The following LRGUK variants were observed in gnomAD, a reference collection of about 807,000 sequenced individuals.
LRGUK encodes the protein leucine rich repeats and guanylate kinase domain containing.
In LRGUK, 65 loss-of-function variants were observed where a neutral mutation model predicts 76.0. The observed-to-expected ratio is 0.85, with a 90% confidence interval of 0.70 to 1.05. LRGUK has a LOEUF of 1.05. LRGUK is among the 50% of genes least tolerant of loss of function. The pLI, the probability that LRGUK is intolerant of heterozygous loss-of-function variation, is 0.00. For missense variants in LRGUK, 758 were observed against 732.8 expected, an observed-to-expected ratio of 1.03 and a Z score of -0.40; for synonymous variants, 268 against 265.6, an observed-to-expected ratio of 1.01 and a Z score of -0.09.
At chr7:134,154,977 C>G (rs1798394481) in intron 5 of LRGUK, among the ~76,000 whole-genome samples, 1 of 152,204 alleles carries the variant, frequency 6.6e-6, no homozygotes, top group Non-Finnish European at 1.5e-5. Context: ...TTGCCTGCTT[C>G]CCATGAGAAT....
At chr7:134,168,385 A>G (rs187924372) in intron 7 of LRGUK, among the ~76,000 whole-genome samples, 77 of 152,250 alleles carry the variant, frequency 5.1e-4, no homozygotes, top group Non-Finnish European at 9.9e-4. Context: ...AACAAAGAAT[A>G]TTTGTTGACT....
At chr7:134,203,151 C>A (rs1458269661) in intron 15 of LRGUK, among the ~76,000 whole-genome samples, 1 of 151,676 alleles carries the variant, frequency 6.6e-6, no homozygotes, top group Non-Finnish European at 1.5e-5. Context: ...TGCAGCAAGC[C>A]AAGATTGCAC....
intron 16 of LRGUK, among the ~76,000 whole-genome samples, chr7:134,236,460 C>G (rs566578176): frequency 1.3e-5 from 2 of 152,186 alleles, no homozygotes; most frequent in Admixed American, 1.3e-4. Flanking sequence ...TCTGTTTAGA[C>G]TGTAGCATCT....
intron 16 of LRGUK, among the ~76,000 whole-genome samples, chr7:134,242,003 C>T (rs529023575): frequency 6.6e-6 from 1 of 152,270 alleles, no homozygotes; most frequent in Admixed American, 6.5e-5. Flanking sequence ...TTCTTTGAAA[C>T]CAATGAGAAC....
At chr7:134,183,755 C>T (rs1222419) in exon 11 of LRGUK, 1,611,605 of 1,614,082 alleles carry the variant, frequency 1, 804,595 homozygotes, top group East Asian at 1. Flanking sequence ...GCCTGGATGC[C>T]CCTTATCCCA....
At chr7:134,153,078 A>G (rs1798297651) in intron 5 of LRGUK, among the ~76,000 whole-genome samples, 1 of 152,106 alleles carries the variant, frequency 6.6e-6, no homozygotes, top group Non-Finnish European at 1.5e-5. Flanking sequence ...CATGCTCATT[A>G]TATTTTTAAA....
At chr7:134,222,939 A>G (rs1208398930) in intron 16 of LRGUK, among the ~76,000 whole-genome samples, 2 of 152,102 alleles carry the variant, frequency 1.3e-5, no homozygotes, top group East Asian at 3.9e-4. Flanking sequence ...TCAAGTCAGA[A>G]CCATTGGCAG....
At chr7:134,177,463 TA>T (rs1255753136) in intron 9 of LRGUK, among the ~76,000 whole-genome samples, 1 of 152,196 alleles carries the variant, frequency 6.6e-6, no homozygotes, top group Admixed American at 6.5e-5. Flanking sequence ...CACTCTACCA[TA>T]TAATCAAAAG....
chr7:134,186,492 T>C (rs1025094149), intron 11 of LRGUK, among the ~76,000 whole-genome samples: 8 of 152,228 alleles, frequency 5.3e-5, no homozygotes, highest in South Asian at 2.1e-4. Flanking sequence ...TGATAAATAT[T>C]TGTTAAATAA....
In LRGUK at chr7:134,160,029, G is replaced by A. The variant is rs528829965; in HGVS notation, c.795+1870G>A. Among the ~76,000 whole-genome samples, 17 of 152,288 alleles carry A rather than the reference G, an allele frequency of 1.1e-4. 2 individuals carry two copies. The highest frequency in any genetic ancestry group is 6.5e-4 in the Admixed American group (10 of 15,298). ...AAGAAAGTCAACTTTTAAAATTTAC[G>A]ACAATCTGAAGGATTTTTAGCAGCA... On this transcript the variant is annotated intron_variant, in intron 6 of 15. Coordinates refer to ENST00000645682, the Ensembl canonical transcript of LRGUK.
At chr7:134,208,055 AGAG>A (rs1801079901) in intron 15 of LRGUK, among the ~76,000 whole-genome samples, 1 of 152,174 alleles carries the variant, frequency 6.6e-6, no homozygotes, top group South Asian at 2.1e-4. Context: ...TGGAAGCCCA[AGAG>A]GAGGCCTGGG....
downstream of LRGUK, among the ~76,000 whole-genome samples, chr7:134,211,052 G>A (rs1801245622): frequency 6.6e-6 from 1 of 152,252 alleles, no homozygotes. Context: ...GCTGGGTCCT[G>A]TGAGTCTCCA....
chr7:134,231,490 T>TCCTTCCTTCCTTCGTTCCTTCCTTCCTC (rs1801889122), intron 16 of LRGUK, among the ~76,000 whole-genome samples: 1 of 146,636 alleles, frequency 6.8e-6, no homozygotes, highest in African/African-American at 2.5e-5. Context: ...CTCCCTCCAT[T>TCCTTCCTTCCTTCGTTCCTTCCTTCCTC]CCTTCCTTCC....
chr7:134,172,164 A>G (rs879592574), intron 7 of LRGUK, among the ~76,000 whole-genome samples: 1 of 152,156 alleles, frequency 6.6e-6, no homozygotes, highest in Non-Finnish European at 1.5e-5. Flanking sequence ...TGTAAATATC[A>G]CTATCTTCTA....
intron 19 of LRGUK, among the ~76,000 whole-genome samples, chr7:134,260,560 C>T (rs187738202): frequency 1.3e-5 from 2 of 152,200 alleles, no homozygotes; most frequent in Non-Finnish European, 2.9e-5. Context: ...GGCTTCACAT[C>T]TTTTCAGGCC....
chr7:134,150,549 T>C (rs1798176839), intron 5 of LRGUK, among the ~76,000 whole-genome samples: 1 of 151,886 alleles, frequency 6.6e-6, no homozygotes, highest in African/African-American at 2.4e-5. Flanking sequence ...AAACTCTTGC[T>C]AGCCAGAAAG....
chr7:134,180,782 G>A (rs973294511), intron 10 of LRGUK, among the ~76,000 whole-genome samples: 5 of 152,128 alleles, frequency 3.3e-5, no homozygotes, highest in African/African-American at 1.2e-4. Context: ...AAAGTGGACA[G>A]TTGAGTGGCA....
At chr7:134,238,881 C>T (rs972904929) in intron 16 of LRGUK, among the ~76,000 whole-genome samples, 3 of 152,190 alleles carry the variant, frequency 2.0e-5, no homozygotes. Flanking sequence ...CAGCTTTCTT[C>T]CTGGGATTTC....
intron 3 of LRGUK, among the ~76,000 whole-genome samples, chr7:134,140,685 T>A (rs1797730339): frequency 6.8e-6 from 1 of 147,888 alleles, no homozygotes; most frequent in Non-Finnish European, 1.5e-5. Flanking sequence ...GATTCTGGGG[T>A]TTTTTTCCCC....
Sources: gnomAD v4.1 joint callset for allele counts (sites outside exome capture counted in the v4.1 genomes callset) on GRCh38, gnomAD v4.1.1 for gene constraint, MANE v1.5 for transcripts, NCBI Gene and HGNC (gene_info 2026-07-23, HGNC 2026-07-21) for gene names.